The following IGSF11 variants were observed in gnomAD, a reference collection of about 807,000 sequenced individuals.
The protein encoded by IGSF11 is CXADR like 1.
A neutral mutation model predicts 41.0 loss-of-function variants in IGSF11; 22 were observed. The observed-to-expected ratio is 0.54, with a 90% CI of 0.38 to 0.77. The LOEUF (loss-of-function observed/expected upper bound fraction) is 0.77. IGSF11 is among the 30% of genes least tolerant of loss of function. The pLI is 0.00. For missense variants in IGSF11, 444 were observed against 530.8 expected, an observed-to-expected ratio of 0.84 and a Z score of 1.61; for synonymous variants, 219 against 201.3, an observed-to-expected ratio of 1.09 and a Z score of -0.74.
intron 1 of IGSF11, among the ~76,000 whole-genome samples, chr3:119,111,419 T>G (rs961221737): frequency 6.6e-6 from 1 of 152,046 alleles, no homozygotes; most frequent in South Asian, 2.1e-4. Context: ...ACGTAGTTCT[T>G]GAGCCTCGGC....
intron 1 of IGSF11, among the ~76,000 whole-genome samples, chr3:118,969,451 A>G (rs1028274137): frequency 4.6e-5 from 7 of 152,206 alleles, no homozygotes; most frequent in African/African-American, 1.7e-4. Context: ...GGACAGGTTC[A>G]GGTTGGAAAA....
At chr3:118,921,984 G>A (rs1318942106) in intron 4 of IGSF11, among the ~76,000 whole-genome samples, 1 of 151,322 alleles carries the variant, frequency 6.6e-6, no homozygotes, top group African/African-American at 2.4e-5. Context: ...AAAATTATTT[G>A]GTATTATATG....
intron 1 of IGSF11, among the ~76,000 whole-genome samples, chr3:119,054,797 A>G (rs2107441495): frequency 6.6e-6 from 1 of 152,330 alleles, no homozygotes; most frequent in South Asian, 2.1e-4. Context: ...CCATCAACCA[A>G]TGAGTGGATA....
At chr3:118,982,254 T>C (rs768216244) in intron 1 of IGSF11, among the ~76,000 whole-genome samples, 18 of 152,200 alleles carry the variant, frequency 1.2e-4, no homozygotes, top group Admixed American at 7.9e-4. Context: ...CTAGAGTTTC[T>C]AGCAACTCTC....
chr3:119,137,175 T>C (rs1002580098), intron 1 of IGSF11, among the ~76,000 whole-genome samples: 14 of 151,812 alleles, frequency 9.2e-5, no homozygotes, highest in Non-Finnish European at 1.9e-4. Flanking sequence ...TGTAATGCAA[T>C]CCCTATCAAA....
chr3:119,137,332 A>G (rs2107545941), intron 1 of IGSF11, among the ~76,000 whole-genome samples: 1 of 152,320 alleles, frequency 6.6e-6, no homozygotes, highest in South Asian at 2.1e-4. Context: ...CTAAAGATCT[A>G]TAATAATCAA....
At chr3:119,054,934 G>A (rs555484069) in intron 1 of IGSF11, among the ~76,000 whole-genome samples, 24 of 152,122 alleles carry the variant, frequency 1.6e-4, no homozygotes, top group African/African-American at 4.1e-4. Context: ...CCCCAAGTAC[G>A]GGCGGACTGA....
At chr3:119,001,003 A>T (rs1045573382) in intron 1 of IGSF11, among the ~76,000 whole-genome samples, 5 of 151,936 alleles carry the variant, frequency 3.3e-5, no homozygotes, top group Admixed American at 6.6e-5. Context: ...GCCTATTCTG[A>T]CTGTTTCTCC....
chr3:119,137,787 G>A (rs938372785), intron 1 of IGSF11, among the ~76,000 whole-genome samples: 1 of 152,054 alleles, frequency 6.6e-6, no homozygotes, highest in Non-Finnish European at 1.5e-5. Context: ...TAAAATGAGA[G>A]AAAATATTTT....
At chr3:119,111,987 G>A (rs2077171174) in intron 1 of IGSF11, among the ~76,000 whole-genome samples, 3 of 152,238 alleles carry the variant, frequency 2.0e-5, no homozygotes, top group Admixed American at 6.5e-5. Context: ...TGTGTGAGGT[G>A]TCAGTCTGCC....
At chr3:119,128,512 T>G (rs535931448) in intron 1 of IGSF11, among the ~76,000 whole-genome samples, 38 of 152,040 alleles carry the variant, frequency 2.5e-4, no homozygotes, top group African/African-American at 8.9e-4. Context: ...AAGCATCTTA[T>G]GTGCAAAGAC....
At chr3:118,999,154 C>T (rs925564540) in intron 1 of IGSF11, among the ~76,000 whole-genome samples, 5 of 151,550 alleles carry the variant, frequency 3.3e-5, no homozygotes, top group Non-Finnish European at 2.9e-5. Context: ...GGAAACAAAT[C>T]GAGTGAATGG....
chr3:119,055,784 G>A, intron 1 of IGSF11, among the ~76,000 whole-genome samples: 1 of 152,208 alleles, frequency 6.6e-6, no homozygotes, highest in Non-Finnish European at 1.5e-5. Context: ...TCAGACCACA[G>A]TGCAATCAAA....
At chr3:119,083,091 C>T (rs1057279661) in intron 1 of IGSF11, among the ~76,000 whole-genome samples, 1 of 150,984 alleles carries the variant, frequency 6.6e-6, no homozygotes, top group East Asian at 1.9e-4. Flanking sequence ...CCTTCATAGA[C>T]TAATTCCTTT....
intron 1 of IGSF11, among the ~76,000 whole-genome samples, chr3:118,963,833 A>G (rs2107605936): frequency 6.6e-6 from 1 of 152,258 alleles, no homozygotes; most frequent in South Asian, 2.1e-4. Context: ...ATTTTAATTA[A>G]TATTCTCTAA....
In IGSF11 at chr3:118,902,760, G is replaced by A. The variant is rs775547670; in HGVS notation, c.1056C>T (p.Ala352=). Residue 352 remains alanine (A), a synonymous_variant, in exon 7 of 7, where the codon GCC becomes GCT. Coordinates refer to ENST00000393775, the MANE Select transcript of IGSF11 (RefSeq NM_001015887.3). ...GQSFSFHSGN[A]NIPSIYANGT... is the part of the protein sequence containing the mutation. ...CATTAGCATAAATGGATGGTATGTT[G>A]GCATTGCCTGAGTGGAAAGAGAAAG... 1.2e-6 allele frequency: 2 copies of A among 1,614,158 alleles called. No individual in the cohort carries two copies. Among genetic ancestry groups the A allele is most frequent in the Admixed American group, 1.7e-5 (1 of 60,032 alleles).
chr3:119,145,541 C>T (rs539343332), intron 1 of IGSF11, among the ~76,000 whole-genome samples: 18 of 152,334 alleles, frequency 1.2e-4, no homozygotes, highest in Admixed American at 7.8e-4. Flanking sequence ...TAACTCGCCT[C>T]TCTGCTGTAA....
At chr3:119,051,314 G>C (rs1416566093) in intron 1 of IGSF11, among the ~76,000 whole-genome samples, 1 of 151,942 alleles carries the variant, frequency 6.6e-6, no homozygotes, top group Admixed American at 6.6e-5. Flanking sequence ...AAGTAAGCAG[G>C]AGTAGCTGTT....
chr3:119,017,021 A>G (rs1938768563), intron 1 of IGSF11, among the ~76,000 whole-genome samples: 1 of 141,486 alleles, frequency 7.1e-6, no homozygotes, highest in Admixed American at 7.4e-5. Context: ...GCATGAGCAA[A>G]GTTAAATGGA....
Sources: allele counts gnomAD v4.1 joint callset (sites outside exome capture counted in the v4.1 genomes callset), GRCh38; gene constraint gnomAD v4.1.1; transcripts MANE v1.5; gene names NCBI Gene and HGNC (gene_info 2026-07-23, HGNC 2026-07-21).